KSR2: variants seen among roughly 807,000 people sequenced by gnomAD.
KSR2 encodes kinase suppressor of ras 2.
KSR2 carries 25 observed loss-of-function variants against 107.8 expected under a neutral mutation model. That is an observed-to-expected ratio of 0.23 (90% confidence interval 0.17 to 0.32). KSR2 has a LOEUF of 0.32. KSR2 is among the 10% of genes least tolerant of loss of function. KSR2 has a pLI of 1.00. For synonymous variants in KSR2, 480 were observed against 507.0 expected (o/e 0.95, Z 0.71); for missense variants, 887 against 1,268.9 (o/e 0.70, Z 4.57).
At chr12:117,888,120 T>C (rs1026251254) in intron 1 of KSR2, among the ~76,000 whole-genome samples, 8 of 152,310 alleles carry the variant, frequency 5.3e-5, no homozygotes, top group African/African-American at 1.9e-4. Flanking sequence ...CAAAACCCTT[T>C]TGAGAATAAC....
rs1870752354 is a variant in KSR2 at position 117,458,788 on chromosome 12, T to C, written c.*8411A>G. On this transcript the variant is annotated 3_prime_UTR_variant, in exon 20 of 20. Transcript: ENST00000339824. ...GTGGTCCACTAGGACCTCAAGATCT[T>C]ATCTGGGTGGAAACTTGATTTTGAG... 1 of 152,158 alleles carries C rather than the reference T, an allele frequency of 6.6e-6. No homozygotes were observed. Among genetic ancestry groups the C allele is most frequent in the African/African-American group, 2.4e-5 (1 of 41,432 alleles). 9.4% of individuals were successfully genotyped at this position (152,158 alleles called of 1,614,324 possible). A position where few individuals can be genotyped will look rare whatever the true frequency, so the allele number is the denominator to read the frequency against.
intron 5 of KSR2, among the ~76,000 whole-genome samples, chr12:117,659,193 C>T (rs1339277332): frequency 6.6e-6 from 1 of 152,148 alleles, no homozygotes; most frequent in African/African-American, 2.4e-5. Context: ...CTCCAACAGA[C>T]ACAAATGGCC....
chr12:117,471,153 C>T (rs190801494), intron 18 of KSR2, 38 bp downstream of exon 18: 445 of 1,608,752 alleles, frequency 2.8e-4, no homozygotes, highest in Non-Finnish European at 3.5e-4. Context: ...TCTGTGTCTC[C>T]CCTCATCCCC....
intron 18 of KSR2, among the ~76,000 whole-genome samples, chr12:117,470,954 G>A (rs1428107523): frequency 6.6e-6 from 1 of 152,184 alleles, no homozygotes; most frequent in Non-Finnish European, 1.5e-5. Flanking sequence ...CCCACAGTTA[G>A]GAAAAACCTG....
chr12:117,717,313 G>C (rs2136674830), intron 4 of KSR2, among the ~76,000 whole-genome samples: 1 of 152,274 alleles, frequency 6.6e-6, no homozygotes, highest in South Asian at 2.1e-4. Context: ...TTGAGCTCAG[G>C]AGTTTGAGAC....
chr12:117,968,477 C>G lies in KSR2; in HGVS notation c.-222G>C. On this transcript the variant is annotated 5_prime_UTR_variant, in exon 1 of 20. Transcript: ENST00000339824. ...TTTATTTTGGGATATCAAGCGGACT[C>G]CATTAGAATGTCTCCTCTCTCTCTG... 1.5e-6 allele frequency: 2 copies of G among 1,307,262 alleles called. No individual in the cohort carries two copies. The highest frequency in any genetic ancestry group is 1.9e-6 in the Non-Finnish European group (2 of 1,035,504). 81.0% of individuals were successfully genotyped at this position (1,307,262 alleles called of 1,614,324 possible).
chr12:117,942,719 C>T (rs1896048505), intron 1 of KSR2, among the ~76,000 whole-genome samples: 2 of 150,882 alleles, frequency 1.3e-5, no homozygotes, highest in African/African-American at 4.9e-5. Context: ...AAGTTGGTCT[C>T]GAACTCCTGG....
intron 7 of KSR2, 40 bp from the exon 8 acceptor site, chr12:117,558,613 G>T: frequency 6.6e-7 from 1 of 1,526,324 alleles, no homozygotes; most frequent in Non-Finnish European, 9.1e-7. Context: ...ATAGGTGAAT[G>T]GCTGAGTGAG....
intron 5 of KSR2, among the ~76,000 whole-genome samples, chr12:117,639,320 A>G (rs1314056916): frequency 6.9e-6 from 1 of 145,390 alleles, no homozygotes; most frequent in African/African-American, 2.6e-5. Flanking sequence ...TATTATTATT[A>G]TCATCATTAT....
At chr12:117,472,040 T>A (rs771031158) in intron 17 of KSR2, among the ~76,000 whole-genome samples, 4 of 152,122 alleles carry the variant, frequency 2.6e-5, no homozygotes, top group Admixed American at 6.5e-5. Flanking sequence ...AAAAGAGGTT[T>A]GACAGCGACT....
rs80159336 is a variant in KSR2 at position 117,605,567 on chromosome 12, C to T, written c.1172-23208G>A. 5.3e-3 allele frequency among the ~76,000 whole-genome samples: 804 copies of T among 152,196 alleles called. 5 individuals are homozygous for T. The highest frequency in any genetic ancestry group is 0.018 in the African/African-American group (743 of 41,522). ...TGCTTCCCCACCCTCCCCTGACAGG[C>T]CCCAGTATGTGTTGTTCCCCTTCCT... On this transcript the variant is annotated intron_variant, in intron 5 of 19. Coordinates refer to ENST00000339824, the MANE Select transcript of KSR2 (RefSeq NM_173598.6).
At chr12:117,806,061 T>G (rs186775318) in intron 3 of KSR2, among the ~76,000 whole-genome samples, 1 of 152,136 alleles carries the variant, frequency 6.6e-6, no homozygotes, top group African/African-American at 2.4e-5. Context: ...GCCAAATTAA[T>G]GTAATATGAT....
intron 3 of KSR2, among the ~76,000 whole-genome samples, chr12:117,821,850 C>T (rs1485458351): frequency 6.6e-6 from 1 of 152,120 alleles, no homozygotes; most frequent in African/African-American, 2.4e-5. Flanking sequence ...GGCGTTTGAC[C>T]TAGAGCAACT....
intron 4 of KSR2, among the ~76,000 whole-genome samples, chr12:117,714,790 G>A (rs900973432): frequency 7.2e-5 from 11 of 152,148 alleles, no homozygotes; most frequent in East Asian, 5.8e-4. Flanking sequence ...GAGTGCAACC[G>A]TCATCTAGTG....
Position 117,487,839 on chromosome 12 carries a change from G to A in KSR2, c.2220-2148C>T, listed in dbSNP as rs755994334. On this transcript the variant is annotated intron_variant, in intron 14 of 19. Coordinates refer to ENST00000339824, the MANE Select transcript of KSR2 (RefSeq NM_173598.6). ...TGAAGTCTTTGCTTCTCTCACTCCC[G>A]TATGACCTCAAGAGCTTCTGGAGAA... 5.9e-5 allele frequency among the ~76,000 whole-genome samples: 9 copies of A among 152,078 alleles called. No individual in the cohort carries two copies. The East Asian group carries it at 7.7e-4, about 13-fold the overall frequency.
At chr12:117,714,571 T>G (rs966666921) in intron 4 of KSR2, among the ~76,000 whole-genome samples, 3 of 152,176 alleles carry the variant, frequency 2.0e-5, no homozygotes, top group African/African-American at 7.2e-5. Context: ...GATTCTCTTC[T>G]GAGAGGTGAA....
chr12:117,821,690 C>A (rs1049829285), intron 3 of KSR2, among the ~76,000 whole-genome samples: 1 of 152,122 alleles, frequency 6.6e-6, no homozygotes, highest in African/African-American at 2.4e-5. Context: ...CATATAATAT[C>A]TTTATGAGAT....
intron 3 of KSR2, among the ~76,000 whole-genome samples, chr12:117,771,652 T>G (rs944452797): frequency 6.6e-6 from 1 of 152,190 alleles, no homozygotes; most frequent in Non-Finnish European, 1.5e-5. Flanking sequence ...AAGGGTAAAG[T>G]TCTGCTGTTA....
chr12:117,697,248 AC>A (rs1886105609), intron 4 of KSR2, among the ~76,000 whole-genome samples: 2 of 152,114 alleles, frequency 1.3e-5, no homozygotes, highest in Admixed American at 6.5e-5. Flanking sequence ...GTAAATCCAC[AC>A]CATTTTAAAA....
Sources: gnomAD v4.1 joint callset for allele counts (sites outside exome capture counted in the v4.1 genomes callset) on GRCh38, gnomAD v4.1.1 for gene constraint, MANE v1.5 for transcripts, NCBI Gene and HGNC (gene_info 2026-07-23, HGNC 2026-07-21) for gene names.